The following TNR variants were observed in gnomAD, a reference collection of about 807,000 sequenced individuals.
TNR encodes the protein tenascin R, also known as tenascin-R.
TNR carries 45 observed loss-of-function variants against 150.4 expected under a neutral mutation model. The ratio of observed to expected loss-of-function variants is 0.30; its 90% CI spans 0.24 to 0.38. The LOEUF (loss-of-function observed/expected upper bound fraction) is 0.38, where lower values mean the gene tolerates loss of function less well. Ranked by LOEUF, TNR falls within the 10% of genes least tolerant of loss-of-function variation. The probability of loss-of-function intolerance (pLI) is 1.00; values close to 1 mark genes in which losing one functional copy is unlikely to be tolerated. For missense variants in TNR, 1,544 were observed against 1,759.1 expected, an observed-to-expected ratio of 0.88 and a Z score of 2.19; for synonymous variants, 687 against 678.4, an observed-to-expected ratio of 1.01 and a Z score of -0.20.
chr1:175,521,159 T>C (rs1659622898), intron 2 of TNR, among the ~76,000 whole-genome samples: 1 of 152,214 alleles, frequency 6.6e-6, no homozygotes, highest in Admixed American at 6.5e-5. Flanking sequence ...AAACACATTT[T>C]GTTGGCGATA....
chr1:175,456,872 G>A (rs1043045012), intron 2 of TNR, among the ~76,000 whole-genome samples: 24 of 152,186 alleles, frequency 1.6e-4, no homozygotes, highest in Admixed American at 2.0e-4. Context: ...CCGGAGGTCA[G>A]GGCAGTAAGG....
At chr1:175,476,891 A>T (rs769137082) in intron 2 of TNR, among the ~76,000 whole-genome samples, 6 of 152,202 alleles carry the variant, frequency 3.9e-5, no homozygotes, top group Non-Finnish European at 8.8e-5. Context: ...CCGTAACAGC[A>T]CTAGGGAGCA....
chr1:175,445,768 A>C (rs73042488), intron 2 of TNR, among the ~76,000 whole-genome samples: 3,187 of 151,838 alleles, frequency 0.021, 116 homozygotes, highest in African/African-American at 0.073. Context: ...CTGATAGAAA[A>C]CTCCCCGAGG....
chr1:175,668,252 G>A (rs1037464502), intron 1 of TNR, among the ~76,000 whole-genome samples: 1 of 152,206 alleles, frequency 6.6e-6, no homozygotes, highest in Non-Finnish European at 1.5e-5. Context: ...GAGAAAAGAA[G>A]TCAGTGTGAG....
At chr1:175,435,209 G>A (rs1393341860) in intron 2 of TNR, among the ~76,000 whole-genome samples, 47 of 152,274 alleles carry the variant, frequency 3.1e-4, no homozygotes, top group Admixed American at 2.9e-3. Context: ...CAGTTAGGAC[G>A]GGGGTGAGAC....
At chr1:175,637,888 A>G (rs1338024394) in intron 1 of TNR, among the ~76,000 whole-genome samples, 1 of 152,228 alleles carries the variant, frequency 6.6e-6, no homozygotes, top group Non-Finnish European at 1.5e-5. Flanking sequence ...TCACTGCTCC[A>G]CAGTGAGGGA....
chr1:175,578,195 C>T (rs944087785), intron 1 of TNR, among the ~76,000 whole-genome samples: 1 of 151,824 alleles, frequency 6.6e-6, no homozygotes, highest in African/African-American at 2.4e-5. Context: ...CAAATGTGGA[C>T]GTGGGTGTGA....
chr1:175,463,792 A>T (rs1656917248), intron 2 of TNR, among the ~76,000 whole-genome samples: 1 of 152,242 alleles, frequency 6.6e-6, no homozygotes, highest in African/African-American at 2.4e-5. Flanking sequence ...GGAACAAGCT[A>T]AACTACTGTC....
intron 20 of TNR, among the ~76,000 whole-genome samples, chr1:175,331,021 C>CTTTCTTTCTTTCTTTCTTTCTTTCTTTCT (rs1649741461): frequency 1.6e-5 from 1 of 63,204 alleles, no homozygotes; most frequent in African/African-American, 5.6e-5. Context: ...TTCTTTCTTT[C>CTTTCTTTCTTTCTTTCTTTCTTTCTTTCT]TTTCTTTCTT....
At chr1:175,335,909 G>T in intron 19 of TNR, 102 bp from the exon 20 acceptor site, 1 of 1,014,986 alleles carries the variant, frequency 9.9e-7, no homozygotes. Context: ...GATATAACTG[G>T]GTTTTATATC....
chr1:175,364,836 G>A lies in TNR; in HGVS notation c.2587+174C>T, dbSNP rs567765905. 1.9e-4 allele frequency among the ~76,000 whole-genome samples: 29 copies of A among 152,308 alleles called. 1 individual carries two copies. In the South Asian group the frequency reaches 5.6e-3, roughly 29 times the overall value. On this transcript the variant is annotated intron_variant, in intron 12 of 22. Coordinates refer to ENST00000367674, the MANE Select transcript of TNR (RefSeq NM_003285.3). ...TCCAAGTGGGAGTTTCTTATCTAAT[G>A]CATCTTCTGCAGCACTGGAGGAAGT...
At chr1:175,427,196 C>G (rs1457367665) in intron 2 of TNR, among the ~76,000 whole-genome samples, 1 of 151,296 alleles carries the variant, frequency 6.6e-6, no homozygotes, top group Non-Finnish European at 1.5e-5. Flanking sequence ...CAAGACATAA[C>G]AACCCACAGC....
At chr1:175,695,875 G>T (rs908328739) in intron 1 of TNR, among the ~76,000 whole-genome samples, 2 of 152,124 alleles carry the variant, frequency 1.3e-5, no homozygotes, top group African/African-American at 4.8e-5. Flanking sequence ...CAGACATGGT[G>T]CTGTTTTTAC....
Position 175,365,175 on chromosome 1 carries a change from A to G in TNR, c.2422T>C (p.Tyr808His). Residue 808 changes from tyrosine to histidine, a missense_variant, in exon 12 of 23, where the codon TAC becomes CAC. By Grantham distance (83) the Tyr-to-His change is moderately conservative. Transcript: ENST00000367674. ...SPPADRLILNYSPRDEEEEMM... is the reference protein window; with the variant it reads ...SPPADRLILNHSPRDEEEEMM... ...TCTTCCTCCTCATCCCTGGGGCTGT[A>G]GTTAAGAATGAGTCTGTCTGCTGGG... The G allele has an allele frequency of 5.0e-6, 8 of 1,614,108 alleles. No individual in the cohort carries two copies. The highest frequency in any genetic ancestry group is 6.8e-6 in the Non-Finnish European group (8 of 1,179,988).
chr1:175,407,090 T>G (rs1043280614), intron 2 of TNR, among the ~76,000 whole-genome samples: 1 of 152,326 alleles, frequency 6.6e-6, no homozygotes, highest in African/African-American at 2.4e-5. Flanking sequence ...TGGGGCCCTG[T>G]GGATGGGCTG....
intron 2 of TNR, among the ~76,000 whole-genome samples, chr1:175,445,883 G>T (rs1656024479): frequency 6.6e-6 from 1 of 152,136 alleles, no homozygotes; most frequent in South Asian, 2.1e-4. Flanking sequence ...TAGCCTCTAT[G>T]TGCCTCTGCT....
chr1:175,364,391 C>T (rs1034626539), intron 12 of TNR, among the ~76,000 whole-genome samples: 3 of 150,892 alleles, frequency 2.0e-5, no homozygotes, highest in East Asian at 3.9e-4. Context: ...ATCTACTTGT[C>T]CAGTTTGTGA....
intron 1 of TNR, among the ~76,000 whole-genome samples, chr1:175,548,251 A>G (rs987069928): frequency 6.6e-5 from 10 of 151,738 alleles, no homozygotes; most frequent in Non-Finnish European, 1.5e-5. Flanking sequence ...CTGTCTCTCC[A>G]CTCTCCTTTT....
At chr1:175,715,820 C>T (rs1306652166) in intron 1 of TNR, among the ~76,000 whole-genome samples, 5 of 152,230 alleles carry the variant, frequency 3.3e-5, no homozygotes, top group Admixed American at 3.3e-4. Flanking sequence ...CTTCCTGCTA[C>T]TGAAGGCCAA....
Sources: gnomAD v4.1 joint callset for allele counts (sites outside exome capture counted in the v4.1 genomes callset) on GRCh38, gnomAD v4.1.1 for gene constraint, MANE v1.5 for transcripts, NCBI Gene and HGNC (gene_info 2026-07-23, HGNC 2026-07-21) for gene names.